Variants in CLIC5 observed in about 807,000 individuals in gnomAD.
The protein encoded by CLIC5 is CLIC family member 5, also known as chloride intracellular channel protein 5.
A neutral mutation model predicts 24.7 loss-of-function variants in CLIC5; 20 were observed. The observed-to-expected ratio is 0.81, with a 90% CI of 0.57 to 1.18. The LOEUF (loss-of-function observed/expected upper bound fraction) is 1.18. Among genes scored for constraint, CLIC5 ranks in the 50% most tolerant of loss-of-function variants. CLIC5 has a pLI of 0.00. For missense variants in CLIC5, 341 were observed against 326.1 expected, an observed-to-expected ratio of 1.05 and a Z score of -0.35; for synonymous variants, 159 against 135.6, an observed-to-expected ratio of 1.17 and a Z score of -1.20.
intron 2 of CLIC5, among the ~76,000 whole-genome samples, chr6:45,952,787 C>T (rs1764515494): frequency 6.6e-6 from 1 of 152,150 alleles, no homozygotes; most frequent in Non-Finnish European, 1.5e-5. Context: ...GTGGTTCCCT[C>T]TCCCACTCTC....
chr6:46,004,997 G>T (rs1042707558), intron 1 of CLIC5, among the ~76,000 whole-genome samples: 4 of 152,140 alleles, frequency 2.6e-5, no homozygotes, highest in African/African-American at 9.7e-5. Flanking sequence ...CAGGTGAGAC[G>T]GCCCCTCGTC....
intron 6 of CLIC5, among the ~76,000 whole-genome samples, chr6:45,893,227 C>A (rs570649070): frequency 2.0e-5 from 3 of 148,404 alleles, no homozygotes; most frequent in African/African-American, 5.1e-5. Flanking sequence ...TAGTGCCACC[C>A]TGGTTTTTTT....
chr6:46,101,108 C>A, the CLIC5 span, among the ~76,000 whole-genome samples: 1 of 152,106 alleles, frequency 6.6e-6, no homozygotes, highest in South Asian at 2.1e-4. Context: ...CTGCATGTAC[C>A]CTGTGCCAAC....
chr6:45,992,023 T>C (rs1269597421), intron 1 of CLIC5, among the ~76,000 whole-genome samples: 2 of 152,148 alleles, frequency 1.3e-5, no homozygotes, highest in African/African-American at 4.8e-5. Flanking sequence ...AGAGGAAAGA[T>C]GGGCATCAGA....
At chr6:45,943,220 T>C (rs953718400) in intron 3 of CLIC5, among the ~76,000 whole-genome samples, 11 of 152,256 alleles carry the variant, frequency 7.2e-5, no homozygotes, top group East Asian at 1.9e-4. Flanking sequence ...GCAGTTTCAC[T>C]GTGGAAGACT....
upstream of CLIC5, among the ~76,000 whole-genome samples, chr6:46,019,412 C>A (rs1032125032): frequency 6.6e-6 from 1 of 152,044 alleles, no homozygotes; most frequent in African/African-American, 2.4e-5. Context: ...CTGGGCCGGG[C>A]GCGGTGGCTC....
chr6:46,103,538 T>C, the CLIC5 span, among the ~76,000 whole-genome samples: 1 of 152,188 alleles, frequency 6.6e-6, no homozygotes, highest in Non-Finnish European at 1.5e-5. Flanking sequence ...CCACCTTTGC[T>C]AGCCAGGCCT....
intron 6 of CLIC5, among the ~76,000 whole-genome samples, chr6:45,884,257 G>A (rs1762285128): frequency 6.6e-6 from 1 of 152,152 alleles, no homozygotes; most frequent in Non-Finnish European, 1.5e-5. Flanking sequence ...CTTAAGCATA[G>A]GCATCTAAAA....
chr6:45,985,576 G>A (rs1765706307), intron 1 of CLIC5, among the ~76,000 whole-genome samples: 1 of 152,114 alleles, frequency 6.6e-6, no homozygotes, highest in South Asian at 2.1e-4. Context: ...TCACCACTCT[G>A]CTTGGGGCCT....
intron 1 of CLIC5, among the ~76,000 whole-genome samples, chr6:46,050,773 T>C (rs1768079760): frequency 6.6e-6 from 1 of 152,138 alleles, no homozygotes; most frequent in Non-Finnish European, 1.5e-5. Flanking sequence ...TGGTCCTCTT[T>C]TTTTCTTGGC....
At chr6:45,880,999 C>T, downstream of CLIC5, 1 of 396,384 alleles carries the variant, frequency 2.5e-6, no homozygotes, top group Admixed American at 4.4e-5. Context: ...GGGAGAAATC[C>T]AGACTTCAAC....
At chr6:45,949,409 G>T (rs780132717) in intron 2 of CLIC5, 28 bp from the exon 3 acceptor site, 2 of 1,604,712 alleles carry the variant, frequency 1.2e-6, no homozygotes, top group Non-Finnish European at 8.5e-7. Context: ...TTCAGGTGTT[G>T]GCTTACAGCA....
chr6:46,017,114 T>C (rs974425006), upstream of CLIC5, among the ~76,000 whole-genome samples: 1 of 152,206 alleles, frequency 6.6e-6, no homozygotes, highest in East Asian at 1.9e-4. Flanking sequence ...AACACTGCCA[T>C]AGGTTTTCTA....
intron 1 of CLIC5, among the ~76,000 whole-genome samples, chr6:45,964,556 C>G (rs1764956916): frequency 6.6e-6 from 1 of 152,192 alleles, no homozygotes; most frequent in Non-Finnish European, 1.5e-5. Flanking sequence ...TGGAACCTAG[C>G]CACCATGTTG....
chr6:45,993,459 G>A (rs1362738521), intron 1 of CLIC5, among the ~76,000 whole-genome samples: 2 of 152,194 alleles, frequency 1.3e-5, no homozygotes, highest in Non-Finnish European at 2.9e-5. Flanking sequence ...AAATGTGGAA[G>A]TAAAGATCAA....
intron 5 of CLIC5, among the ~76,000 whole-genome samples, chr6:45,911,102 C>G (rs1231782107): frequency 6.6e-6 from 1 of 152,220 alleles, no homozygotes; most frequent in Non-Finnish European, 1.5e-5. Flanking sequence ...GGTCCCTCAT[C>G]TACAGAGCCC....
chr6:46,086,472 G>A, the CLIC5 span, among the ~76,000 whole-genome samples: 2 of 152,228 alleles, frequency 1.3e-5, no homozygotes, highest in African/African-American at 4.8e-5. Flanking sequence ...ATGATGCAGA[G>A]TTGAGAATTC....
At chr6:46,015,878 C>A (rs1366347673), upstream of CLIC5, 18 of 1,055,074 alleles carry the variant, frequency 1.7e-5, no homozygotes, top group Non-Finnish European at 1.8e-5. Context: ...CCGCCGCCAA[C>A]GCGCCCAAAA....
At chr6:45,982,780 G>A (rs1289820549) in intron 1 of CLIC5, among the ~76,000 whole-genome samples, 1 of 152,202 alleles carries the variant, frequency 6.6e-6, no homozygotes, top group African/African-American at 2.4e-5. Flanking sequence ...GTTTGTCTCA[G>A]ATTGCATGGC....
Sources: allele counts gnomAD v4.1 joint callset (sites outside exome capture counted in the v4.1 genomes callset), GRCh38; gene constraint gnomAD v4.1.1; transcripts MANE v1.5; gene names NCBI Gene and HGNC (gene_info 2026-07-23, HGNC 2026-07-21).